The following DNAH2 variants were observed in gnomAD, a reference collection of about 807,000 sequenced individuals.
DNAH2 encodes axonemal beta dynein heavy chain 2.
DNAH2 carries 323 observed loss-of-function variants against 523.5 expected under a neutral mutation model. The observed-to-expected ratio is 0.62, with a 90% CI of 0.56 to 0.68. DNAH2 has a LOEUF of 0.68. Among genes scored for constraint, DNAH2 ranks in the 30% least tolerant of loss-of-function variants. The probability of loss-of-function intolerance (pLI) is 0.00; values close to 1 mark genes in which losing one functional copy is unlikely to be tolerated. For synonymous variants in DNAH2, 2,093 were observed against 2,177.4 expected, an observed-to-expected ratio of 0.96 and a Z score of 1.08; for missense variants, 4,907 against 5,701.5, an observed-to-expected ratio of 0.86 and a Z score of 4.49.
At chr17:7,825,129 C>T (rs2077983420) in intron 77 of DNAH2, among the ~76,000 whole-genome samples, 1 of 152,160 alleles carries the variant, frequency 6.6e-6, no homozygotes, top group African/African-American at 2.4e-5. Flanking sequence ...CTTCCTGCCT[C>T]CCATCATTTC....
chr17:7,797,092 ACT>A, intron 50 of DNAH2, 82 bp from the exon 51 acceptor site: 1 of 1,220,550 alleles, frequency 8.2e-7, no homozygotes, highest in South Asian at 1.3e-5. Flanking sequence ...ACAGAGTGAG[ACT>A]CTGTCCCAAA....
intron 58 of DNAH2, 58 bp from the exon 59 acceptor site, chr17:7,804,198 G>A: frequency 1.9e-6 from 3 of 1,575,278 alleles, no homozygotes; most frequent in Non-Finnish European, 2.6e-6. Context: ...GACCTTACAG[G>A]ACACCGCGCT....
At chr17:7,738,165 C>T (rs1211066911) in intron 8 of DNAH2, 1 of 700,670 alleles carries the variant, frequency 1.4e-6, no homozygotes, top group Non-Finnish European at 2.6e-6. Context: ...ACTCCCTTGT[C>T]AGCCCTGTAA....
At chr17:7,752,757 A>C (rs2151181756) in intron 12 of DNAH2, among the ~76,000 whole-genome samples, 1 of 152,302 alleles carries the variant, frequency 6.6e-6, no homozygotes, top group Non-Finnish European at 1.5e-5. Flanking sequence ...AAATCATTAT[A>C]AAATAACAAA....
rs1239917312 is a variant in DNAH2 at position 7,823,624 on chromosome 17, G to C, written c.11325G>C (p.Leu3775=). 3.1e-6 allele frequency: 5 copies of C among 1,613,594 alleles called. No homozygotes were observed. Among genetic ancestry groups the C allele is most frequent in the Non-Finnish European group, 4.2e-6 (5 of 1,179,866 alleles). ...ATGCTGCCCCGGAGAAGGCGATGCT[G>C]CCAGGTACCAGGCGTCTGTGTCCCA... ...YTNAAPEKAM[L]PGEWENACNE... The change falls in exon 74 of 86, where the codon CTG becomes CTC. Residue 3775 remains leucine, a synonymous_variant. Transcript: ENST00000572933.
At chr17:7,734,152 T>C (rs1215471819) in intron 5 of DNAH2, 31 bp from the exon 6 acceptor site, 8 of 1,553,976 alleles carry the variant, frequency 5.1e-6, no homozygotes, top group Middle Eastern at 1.7e-4. Context: ...TCATCCCCTC[T>C]GTCCACTTCC....
chr17:7,813,337 C>T (rs1045427616), intron 63 of DNAH2, among the ~76,000 whole-genome samples: 1 of 151,836 alleles, frequency 6.6e-6, no homozygotes, highest in Non-Finnish European at 1.5e-5. Flanking sequence ...GCAATCCTCC[C>T]GCCTCTGCCT....
intron 12 of DNAH2, among the ~76,000 whole-genome samples, chr17:7,752,527 G>A (rs189464546): frequency 1.5e-3 from 234 of 152,184 alleles, no homozygotes; most frequent in African/African-American, 5.3e-3. Context: ...TGGCTAACAT[G>A]GTGAAACCCT....
chr17:7,723,674 G>A lies in DNAH2; in HGVS notation c.213G>A (p.Glu71=). ...AAGCACAGAGTGAAGAATCAGTGGA[G>A]CCCGAGGCAGATGTGGTAGGCTTGG... is the stretch of plus-strand genomic sequence containing the variant. ...GPQAQSEESV[E]PEADVKPLFL... is the part of the protein sequence containing the mutation. The change falls in exon 3 of 86, where the codon GAG becomes GAA. Residue 71 remains glutamate (E), a synonymous_variant. Coordinates refer to ENST00000572933, the MANE Select transcript of DNAH2 (RefSeq NM_020877.5). The A allele has an allele frequency of 6.2e-7, 1 of 1,614,036 alleles. No individual in the cohort carries two copies. The highest frequency in any genetic ancestry group is 1.7e-5 in the Admixed American group (1 of 60,002).
intron 58 of DNAH2, among the ~76,000 whole-genome samples, chr17:7,803,403 A>C (rs1003559650): frequency 3.9e-5 from 6 of 152,096 alleles, no homozygotes; most frequent in African/African-American, 1.4e-4. Flanking sequence ...GGGCACGGTG[A>C]CTCACGCCTG....
In DNAH2 at chr17:7,768,166, C is replaced by A. The variant is rs1255571688; in HGVS notation, c.3840C>A (p.Asp1280Glu). The A allele has an allele frequency of 1.2e-6, 2 of 1,614,158 alleles. No individual in the cohort carries two copies. The highest frequency in any genetic ancestry group is 1.7e-6 in the Non-Finnish European group (2 of 1,180,032). The change falls in exon 24 of 86, where the codon GAC becomes GAA. Residue 1280 changes from aspartate (D) to glutamate (E), a missense_variant and splice_region_variant. Asp to Glu is a conservative substitution (Grantham distance 45). Around this residue, in one of 3 missense-constraint regions of DNAH2, gnomAD observed 2,806 missense variants for 3,190.8 expected, o/e 0.88. Coordinates refer to ENST00000572933, the MANE Select transcript of DNAH2 (RefSeq NM_020877.5). ...TCATGCCCCCAACTTTTGCTCAGGA[C>A]CGAAACTGGGAAATTATTGAAACCA... ...RLTKLAKEYK[D>E]RNWEIIETTR...
At position 7,740,924 on chromosome 17, in the gene DNAH2, G is replaced by A. The variant is rs760949393; in HGVS notation, c.1621G>A (p.Val541Met). The part of the protein sequence containing the change: ...NKKWPDLEPY[V>M]AQYSGKARWV... Reference sequence around the variant, plus strand: ...GAAATGGCCAGACCTGGAGCCCTACGTGGCCCAGTATTCCGGAAAGGCGCG... The same window carrying A: ...GAAATGGCCAGACCTGGAGCCCTACATGGCCCAGTATTCCGGAAAGGCGCG... Residue 541 changes from valine (V) to methionine (M), a missense_variant, in exon 11 of 86, where the codon GTG (valine) becomes ATG (methionine). By Grantham distance (21) the Val-to-Met change is conservative. Around this residue, in one of 3 missense-constraint regions of DNAH2, gnomAD observed 2,806 missense variants for 3,190.8 expected, o/e 0.88. Coordinates refer to ENST00000572933, the MANE Select transcript of DNAH2 (RefSeq NM_020877.5). The A allele has an allele frequency of 6.2e-7, 1 of 1,613,606 alleles. No individual in the cohort carries two copies. Among genetic ancestry groups the A allele is most frequent in the African/African-American group, 1.3e-5 (1 of 74,932 alleles).
At chr17:7,813,384 C>G (rs1055896617) in intron 63 of DNAH2, among the ~76,000 whole-genome samples, 1 of 151,878 alleles carries the variant, frequency 6.6e-6, no homozygotes, top group African/African-American at 2.4e-5. Context: ...AGCCACCATG[C>G]CTGGCCTTGT....
In DNAH2 at chr17:7,798,294, A is replaced by C. The variant is rs932363630; in HGVS notation, c.8368A>C (p.Lys2790Gln). The C allele has an allele frequency of 1.2e-6, 2 of 1,612,828 alleles. No homozygotes were observed. Among genetic ancestry groups the C allele is most frequent in the African/African-American group, 2.7e-5 (2 of 74,916 alleles). The change falls in exon 54 of 86, where the codon AAA (lysine) becomes CAA (glutamine). Residue 2790 changes from lysine (K) to glutamine (Q), a missense_variant. By Grantham distance (53) the Lys-to-Gln change is moderately conservative. Transcript: ENST00000572933. This position sits in a 1 kb window ranked among gnomAD's most constrained non-coding sequence, Gnocchi z 5.5. ...CACCACCTTCCAGATCGAGGTCACC[A>C]AACATTATCGGAAGCAGGAGTTCCG... ...DYTTFQIEVTKHYRKQEFRDD... is the reference protein window; with the variant it reads ...DYTTFQIEVTQHYRKQEFRDD...
Position 7,801,660 on chromosome 17 carries a change from G to A in DNAH2, c.8782G>A (p.Glu2928Lys), listed in dbSNP as rs756556897. ...AGAGTGGCCCCAAGAGGCCCTGCTCGAGGTGGCTGAGAAGTGCCTCATAGG... is the reference window on the plus strand; with the variant it reads ...AGAGTGGCCCCAAGAGGCCCTGCTCAAGGTGGCTGAGAAGTGCCTCATAGG... ...FSEWPQEALLEVAEKCLIGVD... is the reference protein window; with the variant it reads ...FSEWPQEALLKVAEKCLIGVD... Residue 2928 changes from glutamate to lysine, a missense_variant, in exon 57 of 86, where the codon GAG (glutamate) becomes AAG (lysine). Glu to Lys is a moderately conservative substitution (Grantham distance 56, BLOSUM62 1). This residue lies in a region of DNAH2 where 1,851 missense variants were observed against 2,139.4 expected (regional missense o/e 0.87). Transcript: ENST00000572933. 26 of 1,614,016 alleles carry A rather than the reference G, an allele frequency of 1.6e-5. No homozygotes were observed. Among genetic ancestry groups the A allele is most frequent in the South Asian group, 4.4e-5 (4 of 91,088 alleles).
chr17:7,771,529 T>C (rs2076315967), intron 28 of DNAH2, 61 bp downstream of exon 28: 1 of 1,584,576 alleles, frequency 6.3e-7, no homozygotes, highest in Non-Finnish European at 8.6e-7. Context: ...TTGGTCATGG[T>C]TGCGTGCTTC....
intron 12 of DNAH2, among the ~76,000 whole-genome samples, chr17:7,752,664 T>C (rs1484384078): frequency 2.0e-5 from 3 of 152,010 alleles, no homozygotes; most frequent in Non-Finnish European, 4.4e-5. Flanking sequence ...GAGCTGAGAT[T>C]GCGCCACTGC....
chr17:7,770,542 A>G lies in DNAH2; in HGVS notation c.4099-15A>G, dbSNP rs1396922505. The G allele has an allele frequency of 6.2e-7, 1 of 1,613,868 alleles. No homozygotes were observed. The highest frequency in any genetic ancestry group is 1.3e-5 in the African/African-American group (1 of 74,854). ...GAGATACCTGACTGCTGTGTCCCCC[A>G]ATTTCTCTCCACAGGCTTTACAAAA... On this transcript the variant is annotated splice_polypyrimidine_tract_variant and intron_variant, in intron 25 of 85. Transcript: ENST00000572933.
chr17:7,804,219 C>T (rs370442473), intron 58 of DNAH2, 37 bp from the exon 59 acceptor site: 2 of 1,608,678 alleles, frequency 1.2e-6, no homozygotes, highest in South Asian at 2.2e-5. Flanking sequence ...TTCCGGAAGC[C>T]CCGCCTCTCC....
Sources: gnomAD v4.1 joint callset for allele counts (sites outside exome capture counted in the v4.1 genomes callset) on GRCh38, gnomAD v4.1.1 for gene constraint, gnomAD v4.1.1 regional missense constraint, Gnocchi (gnomAD v3.1) non-coding constraint, MANE v1.5 for transcripts, NCBI Gene and HGNC (gene_info 2026-07-23, HGNC 2026-07-21) for gene names.